Variants in TPGS1 observed in about 807,000 individuals in gnomAD.
The protein encoded by TPGS1 is gene trap ROSA b-geo 22.
In TPGS1, 18 loss-of-function variants were observed where a neutral mutation model predicts 11.9. The observed-to-expected ratio is 1.51, with a 90% CI of 1.04 to 2.24. TPGS1 has a LOEUF of 2.24. Among genes scored for constraint, TPGS1 ranks in the 30% most tolerant of loss-of-function variants. The pLI, the probability that TPGS1 is intolerant of heterozygous loss-of-function variation, is 0.00. For synonymous variants in TPGS1, 247 were observed against 218.2 expected (o/e 1.13, Z -1.16); for missense variants, 500 against 443.0 (o/e 1.13, Z -1.16).
At position 519,402 on chromosome 19, in the gene TPGS1, G is replaced by T. The variant is rs1600406600; in HGVS notation, c.852G>T (p.Ala284=). ...AGAGGGCCGCCGCGCTCTTCATCGC[G>T]AAGGTCAAGCCGGTGGGCTGAGGCC... ...FLERAAALFI[A]KVKPVG Residue 284 remains alanine, a synonymous_variant, in exon 2 of 2, where the codon GCG becomes GCT. Transcript: ENST00000359315. 4.9e-6 allele frequency: 6 copies of T among 1,226,350 alleles called. No homozygotes were observed. In the East Asian group the frequency reaches 2.0e-4, roughly 42 times the overall value. 76.0% of individuals were successfully genotyped at this position (1,226,350 alleles called of 1,614,324 possible). A position where few individuals can be genotyped will look rare whatever the true frequency, so the allele number is the denominator to read the frequency against.
intron 1 of TPGS1, among the ~76,000 whole-genome samples, chr19:516,453 T>C (rs1025262885): frequency 6.6e-6 from 1 of 151,928 alleles, no homozygotes; most frequent in Non-Finnish European, 1.5e-5. Flanking sequence ...GGCGCCATCT[T>C]GGCTCACCGC....
intron 1 of TPGS1, among the ~76,000 whole-genome samples, chr19:514,501 C>T (rs546541564): frequency 6.6e-6 from 1 of 152,220 alleles, no homozygotes; most frequent in South Asian, 2.1e-4. Context: ...CCCTGCATTA[C>T]TGAGCACCTG....
At chr19:518,479 A>G (rs1600405376) in intron 1 of TPGS1, among the ~76,000 whole-genome samples, 2 of 30,324 alleles carry the variant, frequency 6.6e-5, no homozygotes, top group African/African-American at 1.4e-4. Flanking sequence ...GGGGGCTGAG[A>G]GGAGGAGGCC....
chr19:513,164 G>C (rs1568322479), intron 1 of TPGS1, among the ~76,000 whole-genome samples: 2 of 152,230 alleles, frequency 1.3e-5, no homozygotes, highest in Non-Finnish European at 2.9e-5. Context: ...CTGATGAGAG[G>C]GGCCCCGGTG....
In TPGS1 at chr19:507,695, G is replaced by T; in HGVS notation, c.189G>T (p.Pro63=). ...LKVLEARPEE[P]IAFLAHYFEN... ...TGCTGGAGGCGCGGCCCGAGGAGCC[G>T]ATCGCCTTCCTGGCTCACTACTTCG... The change falls in exon 1 of 2, where the codon CCG becomes CCT. Residue 63 remains proline, a synonymous_variant. Coordinates refer to ENST00000359315, the MANE Select transcript of TPGS1 (RefSeq NM_033513.3). 7.2e-6 allele frequency: 10 copies of T among 1,388,742 alleles called. No individual in the cohort carries two copies. The highest frequency in any genetic ancestry group is 9.4e-6 in the Non-Finnish European group (10 of 1,063,240). 86.0% of individuals were successfully genotyped at this position (1,388,742 alleles called of 1,614,324 possible). A position where few individuals can be genotyped will look rare whatever the true frequency, so the allele number is the denominator to read the frequency against.
intron 1 of TPGS1, among the ~76,000 whole-genome samples, chr19:514,815 G>T (rs529471493): frequency 1.3e-5 from 2 of 152,204 alleles, no homozygotes; most frequent in Non-Finnish European, 2.9e-5. Context: ...CTGATGGGGG[G>T]AGTGAGGCCA....
Position 514,220 on chromosome 19 carries a change from C to G in TPGS1, c.339-4669C>G, listed in dbSNP as rs552889427. On this transcript the variant is annotated intron_variant, in intron 1 of 1. Transcript: ENST00000359315. ...TGGCCCAGCATTTACTTCACTCCCA[C>G]TGCACACCGCCCCAGCATTACTGAG... 3.3e-5 allele frequency among the ~76,000 whole-genome samples: 5 copies of G among 151,752 alleles called. No homozygotes were observed. The East Asian group carries it at 9.7e-4, about 29-fold the overall frequency.
rs992613645 is a variant in TPGS1, at chr19:507,829, C to T, written c.323C>T (p.Ala108Val). 1.5e-6 allele frequency: 2 copies of T among 1,345,636 alleles called. No individual in the cohort carries two copies. The highest frequency in any genetic ancestry group is 9.5e-7 in the Non-Finnish European group (1 of 1,050,834). 83.4% of individuals were successfully genotyped at this position (1,345,636 alleles called of 1,614,324 possible). ...CGCGCGCTATGGCACCTTCGCCTGG[C>T]CCACCACTCCCAGAGGTGCGCAGTG... ...LGRALWHLRL[A>V]HHSQRAAFNN... The change falls in exon 1 of 2, where the codon GCC becomes GTC. Residue 108 changes from alanine to valine, a missense_variant. Coordinates refer to ENST00000359315, the MANE Select transcript of TPGS1 (RefSeq NM_033513.3).
At chr19:516,132 G>A (rs142872195) in intron 1 of TPGS1, among the ~76,000 whole-genome samples, 3 of 152,316 alleles carry the variant, frequency 2.0e-5, no homozygotes, top group East Asian at 3.9e-4. Context: ...GTAAACAGGC[G>A]CTGCTGCTGC....
At chr19:509,890 TGGGC>T (rs1978733317) in intron 1 of TPGS1, 2 of 152,612 alleles carry the variant, frequency 1.3e-5, no homozygotes, top group African/African-American at 4.8e-5. Flanking sequence ...ATCCCGGCCC[TGGGC>T]TCGCCTGGGC....
At chr19:518,399 G>A (rs554476284) in intron 1 of TPGS1, among the ~76,000 whole-genome samples, 1 of 126,280 alleles carries the variant, frequency 7.9e-6, no homozygotes, top group African/African-American at 3.1e-5. Context: ...GGAGGCCCGG[G>A]CTGGGTAGGG....
intron 1 of TPGS1, chr19:509,872 G>A (rs1302049082): frequency 6.6e-6 from 1 of 152,548 alleles, no homozygotes; most frequent in Admixed American, 6.5e-5. Flanking sequence ...GGTGCTGGTG[G>A]CAGATGCATC....
intron 1 of TPGS1, among the ~76,000 whole-genome samples, chr19:511,447 C>T (rs567622536): frequency 2.0e-5 from 3 of 152,388 alleles, no homozygotes; most frequent in Admixed American, 1.3e-4. Context: ...GCCCTAATTA[C>T]AGCCCAAAAT....
chr19:514,229 G>A (rs375824786), intron 1 of TPGS1, among the ~76,000 whole-genome samples: 7 of 150,576 alleles, frequency 4.6e-5, no homozygotes, highest in Non-Finnish European at 1.0e-4. Context: ...ACTGCACACC[G>A]CCCCAGCATT....
intron 1 of TPGS1, among the ~76,000 whole-genome samples, chr19:511,640 AGCCC>A: frequency 6.6e-6 from 1 of 152,262 alleles, no homozygotes; most frequent in Non-Finnish European, 1.5e-5. Flanking sequence ...CCAGGCACAG[AGCCC>A]TGCACACCGA....
At chr19:513,074 A>G (rs1978848247) in intron 1 of TPGS1, among the ~76,000 whole-genome samples, 1 of 152,076 alleles carries the variant, frequency 6.6e-6, no homozygotes, top group Non-Finnish European at 1.5e-5. Context: ...GTCAATAGTA[A>G]ATGCTTGTTG....
chr19:511,093 T>C (rs1733750068), intron 1 of TPGS1, among the ~76,000 whole-genome samples: 1 of 152,256 alleles, frequency 6.6e-6, no homozygotes, highest in African/African-American at 2.4e-5. Context: ...CAAACCGCTC[T>C]GTGTAGGAGC....
intron 1 of TPGS1, 31 bp from the exon 2 acceptor site, chr19:518,858 C>G (rs1194843534): frequency 6.7e-7 from 1 of 1,483,502 alleles, no homozygotes; most frequent in East Asian, 2.5e-5. Context: ...CGCGCGGTCT[C>G]TGCCGGCCCC....
intron 1 of TPGS1, among the ~76,000 whole-genome samples, chr19:511,694 C>T (rs1334613581): frequency 2.0e-5 from 3 of 152,256 alleles, no homozygotes; most frequent in African/African-American, 4.8e-5. Context: ...CCAGGGCTGC[C>T]GCCCCCAGAG....
Sources: gnomAD v4.1 joint callset for allele counts (sites outside exome capture counted in the v4.1 genomes callset) on GRCh38, gnomAD v4.1.1 for gene constraint, MANE v1.5 for transcripts, NCBI Gene and HGNC (gene_info 2026-07-23, HGNC 2026-07-21) for gene names.